The following EZH1 variants were observed in gnomAD, a reference collection of about 807,000 sequenced individuals.
EZH1 encodes enhancer of zeste 1 polycomb repressive complex 2 subunit, also known as histone-lysine N-methyltransferase EZH1.
Under a neutral mutation model 100.5 loss-of-function variants are expected in EZH1, and 33 were observed. The observed-to-expected ratio is 0.33, with a 90% CI of 0.25 to 0.44. EZH1 has a LOEUF of 0.44. EZH1 is among the 20% of genes least tolerant of loss of function. The probability of loss-of-function intolerance (pLI) is 1.00; values close to 1 mark genes in which losing one functional copy is unlikely to be tolerated. For missense variants in EZH1, 475 were observed against 928.4 expected (o/e 0.51, Z 6.35); for synonymous variants, 272 against 313.8 (o/e 0.87, Z 1.41).
At chr17:42,729,508 CT>C (rs1433080649) in intron 2 of EZH1, among the ~76,000 whole-genome samples, 51 of 149,570 alleles carry the variant, frequency 3.4e-4, no homozygotes, top group Middle Eastern at 7.5e-3. Context: ...GTGGGTGGAT[CT>C]TCTGAGGTCA....
At chr17:42,719,241 G>T in intron 7 of EZH1, 34 bp from the exon 8 acceptor site, 2 of 1,487,364 alleles carry the variant, frequency 1.3e-6, no homozygotes, top group Non-Finnish European at 1.9e-6. Flanking sequence ...TCCTGAGTGC[G>T]ATTATCAGAA....
At chr17:42,741,782 G>C (rs1331003090) in intron 1 of EZH1, among the ~76,000 whole-genome samples, 1 of 151,252 alleles carries the variant, frequency 6.6e-6, no homozygotes, top group African/African-American at 2.4e-5. Flanking sequence ...TCTGCCTCCT[G>C]GGCTCAAGCA....
chr17:42,726,209 GTC>G (rs1428280379), intron 4 of EZH1, among the ~76,000 whole-genome samples: 1 of 116,962 alleles, frequency 8.5e-6, no homozygotes, highest in Non-Finnish European at 1.8e-5. Flanking sequence ...TTAAGAGACA[GTC>G]TCTTTTTTTT....
In EZH1 at chr17:42,720,276, C is replaced by G. The variant is rs757829145; in HGVS notation, c.661G>C (p.Glu221Gln). The G allele has an allele frequency of 5.0e-6, 8 of 1,612,790 alleles. No homozygotes were observed. In the South Asian group the frequency reaches 7.7e-5, roughly 16 times the overall value. Reference protein sequence around the residue: ...VTRKRKRHAIEGNKKSSKKQF... With the variant: ...VTRKRKRHAIQGNKKSSKKQF... The stretch of plus-strand genomic sequence containing the variant: ...TAAGGGAGCCAGTGCTACGTACCTT[C>G]AATAGCATGTCGCTTTCTCTTTCTT... The change falls in exon 7 of 21, where the codon GAA becomes CAA. Residue 221 changes from glutamate (E) to glutamine (Q), a missense_variant. By Grantham distance (29) the Glu-to-Gln change is conservative. This residue lies in a region of EZH1 where 180 missense variants were observed against 295.3 expected (regional missense o/e 0.61). Transcript: ENST00000428826.
At chr17:42,717,563 G>A (rs763316703) in intron 10 of EZH1, among the ~76,000 whole-genome samples, 1 of 152,056 alleles carries the variant, frequency 6.6e-6, no homozygotes, top group Admixed American at 6.5e-5. Context: ...ATCAGGGAAC[G>A]GTCCATCTGG....
chr17:42,712,686 T>C (rs2143754299), intron 11 of EZH1, among the ~76,000 whole-genome samples: 1 of 152,168 alleles, frequency 6.6e-6, no homozygotes. Context: ...GTGGATTGCT[T>C]GAGCTCAGGA....
intron 4 of EZH1, among the ~76,000 whole-genome samples, chr17:42,726,896 C>A (rs2053831917): frequency 1.3e-5 from 2 of 152,074 alleles, no homozygotes; most frequent in Non-Finnish European, 2.9e-5. Flanking sequence ...TTCACCCAGG[C>A]TGGAGTGCAG....
rs373668052 is a variant in EZH1, at chr17:42,728,550, G to A, written c.117+275C>T. Among the ~76,000 whole-genome samples, 26 of 150,686 alleles carry A rather than the reference G, an allele frequency of 1.7e-4. 1 individual carries two copies. The South Asian group carries it at 4.0e-3, about 23-fold the overall frequency. On this transcript the variant is annotated intron_variant, in intron 3 of 20. Transcript: ENST00000428826. ...AGGTCAGGAGATCGAGACCATCCTG[G>A]CTAACATGGTGAAACCCCATCTCTA...
At chr17:42,724,513 A>G in intron 4 of EZH1, 89 bp from the exon 5 acceptor site, 1 of 1,502,834 alleles carries the variant, frequency 6.7e-7, no homozygotes, top group South Asian at 1.2e-5. Flanking sequence ...GGCTGGGCAT[A>G]GTGGCTCATG....
At position 42,724,396 on chromosome 17, in the gene EZH1, A is replaced by G. The variant is rs372139294; in HGVS notation, c.275T>C (p.Phe92Ser). Reference sequence around the variant, plus strand: ...CCTCATTAACATATGTTGGCTTGCAAATCCCGGGAAAATGCTCTCTATGGT... The same window carrying G: ...CCTCATTAACATATGTTGGCTTGCAGATCCCGGGAAAATGCTCTCTATGGT... ...KCTIESIFPG[F>S]ASQHMLMRSL... The change falls in exon 5 of 21, where the codon TTT becomes TCT. Residue 92 changes from phenylalanine (F) to serine (S), a missense_variant. Physicochemically the swap from Phe to Ser is radical, Grantham distance 155. Around this residue, in one of 8 missense-constraint regions of EZH1, gnomAD observed 105 missense variants for 129.8 expected, o/e 0.81. Transcript: ENST00000428826. 1.9e-6 allele frequency: 3 copies of G among 1,613,438 alleles called. No homozygotes were observed. The African/African-American group carries it at 4.0e-5, about 22-fold the overall frequency.
intron 2 of EZH1, among the ~76,000 whole-genome samples, chr17:42,730,145 G>A (rs903811953): frequency 6.6e-6 from 1 of 152,182 alleles, no homozygotes; most frequent in African/African-American, 2.4e-5. Context: ...CTGTCCTCCT[G>A]TGGTATCTTG....
rs1284834316 is a variant in EZH1, at chr17:42,724,316, G to A, written c.355C>T (p.Gln119Ter). The A allele has an allele frequency of 6.2e-7, 1 of 1,613,856 alleles. No homozygotes were observed. Among genetic ancestry groups the A allele is most frequent in the East Asian group, 2.2e-5 (1 of 44,860 alleles). Residue 119 changes from glutamine to a stop codon, truncating the protein, a stop_gained, in exon 5 of 21, where the codon CAG becomes TAG. Coordinates refer to ENST00000428826, the MANE Select transcript of EZH1 (RefSeq NM_001991.5). LOFTEE classifies it high-confidence loss of function. ...CTTTCAATACATACCATAAAGTTCT[G>A]TTGGAGAGGGGACCAGGAATACATG... ...PIMYSWSPLQ[Q>*]NFMVEDETVL...
chr17:42,708,060 T>G lies in EZH1; in HGVS notation c.1558A>C (p.Asn520His). Residue 520 changes from asparagine to histidine, a missense_variant, in exon 15 of 21, where the codon AAC (asparagine) becomes CAC (histidine). Transcript: ENST00000428826. ...KKDNSSTQVY[N>H]YQPCDHPDRP... is the part of the protein sequence containing the mutation. ...TCTGGGTGGTCGCAGGGTTGGTAGT[T>G]GTACACTTGTGTGGAAGAGTTATCT... 6.2e-7 allele frequency: 1 copy of G among 1,607,706 alleles called. No individual in the cohort carries two copies. The highest frequency in any genetic ancestry group is 8.5e-7 in the Non-Finnish European group (1 of 1,177,710).
rs937052313 is a variant in EZH1, at chr17:42,701,210, T to A, written c.*1322A>T. 5 of 152,766 alleles carry A rather than the reference T, an allele frequency of 3.3e-5. No individual in the cohort carries two copies. The highest frequency in any genetic ancestry group is 2.0e-4 in the Admixed American group (3 of 15,272). 9.5% of individuals were successfully genotyped at this position (152,766 alleles called of 1,614,324 possible). A position where few individuals can be genotyped will look rare whatever the true frequency, so the allele number is the denominator to read the frequency against. On this transcript the variant is annotated 3_prime_UTR_variant, in exon 21 of 21. Coordinates refer to ENST00000428826, the MANE Select transcript of EZH1 (RefSeq NM_001991.5). Reference sequence around the variant, plus strand: ...GAGGAGAATCTCCCACCCTCTCTTCTTCCCCCTCCCTCAGGAGTGGGATTT... The same window carrying A: ...GAGGAGAATCTCCCACCCTCTCTTCATCCCCCTCCCTCAGGAGTGGGATTT...
In EZH1 at chr17:42,706,930, G is replaced by A. The variant is rs113766984; in HGVS notation, c.1661-745C>T. ...CCCAGCGCAACCACTTCTCTGCTGC[G>A]GCTAAGATCACTATCTGCTATGGGT... On this transcript the variant is annotated intron_variant, in intron 15 of 20. Transcript: ENST00000428826. The surrounding 1 kb of genome is among the most constrained non-coding windows in gnomAD (Gnocchi z 4.4). 3.2e-3 allele frequency among the ~76,000 whole-genome samples: 491 copies of A among 152,220 alleles called. 1 individual carries two copies. Among genetic ancestry groups the A allele is most frequent in the Non-Finnish European group, 4.8e-3 (327 of 68,020 alleles).
intron 1 of EZH1, among the ~76,000 whole-genome samples, chr17:42,741,665 T>C (rs1403672304): frequency 2.0e-5 from 3 of 152,190 alleles, no homozygotes; most frequent in Admixed American, 6.5e-5. Context: ...GAATTAAAAA[T>C]AGACAAAATT....
Position 42,718,512 on chromosome 17 carries a change from C to A in EZH1, c.873G>T (p.Leu291=). ...GGCAAAAAAGTGTGTGGAAGGAGTG[C>A]AGAGATTGCTCCCGCTGCACAGACT... The part of the protein sequence containing the change: ...NAKSVQREQS[L]HSFHTLFCRR... The change falls in exon 9 of 21, where the codon CTG becomes CTT. Residue 291 remains leucine, a synonymous_variant. Coordinates refer to ENST00000428826, the MANE Select transcript of EZH1 (RefSeq NM_001991.5). The surrounding 1 kb of genome is among the most constrained non-coding windows in gnomAD (Gnocchi z 4.2). The A allele has an allele frequency of 6.2e-7, 1 of 1,614,182 alleles. No individual in the cohort carries two copies. The highest frequency in any genetic ancestry group is 8.5e-7 in the Non-Finnish European group (1 of 1,180,032).
intron 12 of EZH1, among the ~76,000 whole-genome samples, chr17:42,710,625 G>GTTTTTTTT (rs1347789208): frequency 5.0e-5 from 6 of 121,164 alleles, no homozygotes; most frequent in Non-Finnish European, 1.1e-4. Context: ...TTCTGTTTTT[G>GTTTTTTTT]TTTGTTTTTT....
chr17:42,716,946 C>T (rs185396102), intron 10 of EZH1, among the ~76,000 whole-genome samples: 26 of 152,248 alleles, frequency 1.7e-4, no homozygotes, highest in Admixed American at 1.6e-3. Flanking sequence ...GATCCACCTC[C>T]CTCAGCCTCC....
Sources: allele counts gnomAD v4.1 joint callset (sites outside exome capture counted in the v4.1 genomes callset), GRCh38; gene constraint gnomAD v4.1.1; regional missense constraint gnomAD v4.1.1; non-coding constraint Gnocchi (gnomAD v3.1); transcripts MANE v1.5; gene names NCBI Gene and HGNC (gene_info 2026-07-23, HGNC 2026-07-21).